ZNF687: variants seen among roughly 807,000 people sequenced by gnomAD.
ZNF687 encodes the protein zinc finger protein 687.
A neutral mutation model predicts 71.8 loss-of-function variants in ZNF687; 13 were observed. The ratio of observed to expected loss-of-function variants is 0.18; its 90% CI spans 0.12 to 0.29. The LOEUF (loss-of-function observed/expected upper bound fraction) is 0.29, where lower values mean the gene tolerates loss of function less well. Among genes scored for constraint, ZNF687 ranks in the 10% least tolerant of loss-of-function variants. The probability of loss-of-function intolerance (pLI) is 1.00; values close to 1 mark genes in which losing one functional copy is unlikely to be tolerated. For synonymous variants in ZNF687, 673 were observed against 641.6 expected (o/e 1.05, Z -0.74); for missense variants, 1,412 against 1,625.6 (o/e 0.87, Z 2.26).
upstream of ZNF687, chr1:151,281,931 GA>G: frequency 1.0e-6 from 1 of 989,650 alleles, no homozygotes; most frequent in Non-Finnish European, 1.3e-6. Context: ...AGTAGGGAGC[GA>G]GGGGCGGAGA....
chr1:151,283,953 C>T lies in ZNF687; in HGVS notation c.-18+1558C>T, dbSNP rs1191183025. 7.1e-6 allele frequency: 7 copies of T among 985,428 alleles called. No homozygotes were observed. In the African/African-American group the frequency reaches 1.0e-4, roughly 15 times the overall value. 61.0% of individuals were successfully genotyped at this position (985,428 alleles called of 1,614,324 possible). A position where few individuals can be genotyped will look rare whatever the true frequency, so the allele number is the denominator to read the frequency against. ...ATAGGGATAGACTCTTTAGTTGCTT[C>T]TTCGTAGATACAGAAACACTCATGG... On this transcript the variant is annotated intron_variant, in intron 1 of 8. Transcript: ENST00000336715.
rs34659630 is a variant in ZNF687, at chr1:151,286,702, T to TC, written c.415dup (p.His139ProfsTer31). On this transcript the variant is annotated frameshift_variant, in exon 2 of 9. Coordinates refer to ENST00000336715, the MANE Select transcript of ZNF687 (RefSeq NM_020832.3). LOFTEE classifies it high-confidence loss of function. ...GCCCTGAACCTTCCCTCCCAGGAAC[T>TC]CCCCACTCTCCTGCTCCTCCCAGTG... 1 of 1,614,084 alleles carries TC rather than the reference T, an allele frequency of 6.2e-7. No individual in the cohort carries two copies. The highest frequency in any genetic ancestry group is 8.5e-7 in the Non-Finnish European group (1 of 1,179,980).
At position 151,291,381 on chromosome 1, in the gene ZNF687, C is replaced by G; in HGVS notation, c.*172C>G. Reference sequence around the variant, plus strand: ...GATTATTCTAGTTATTTGCAACCTCCCTTTGGGTTTGGCCCTGGAGTCCTA... The same window carrying G: ...GATTATTCTAGTTATTTGCAACCTCGCTTTGGGTTTGGCCCTGGAGTCCTA... On this transcript the variant is annotated 3_prime_UTR_variant, in exon 9 of 9. Coordinates refer to ENST00000336715, the MANE Select transcript of ZNF687 (RefSeq NM_020832.3). The G allele has an allele frequency of 2.1e-6, 2 of 948,404 alleles. No individual in the cohort carries two copies. The highest frequency in any genetic ancestry group is 5.4e-5 in the East Asian group (2 of 37,052). The allele number at this position is 948,404 out of a possible 1,614,324, so 58.7% of individuals were successfully genotyped here.
At position 151,287,432 on chromosome 1, in the gene ZNF687, G is replaced by A. The variant is rs1190684701; in HGVS notation, c.1141G>A (p.Glu381Lys). Reference sequence around the variant, plus strand: ...GCTGTCCCCTGCAACACCTACTTCTGAGGGTCCAAAGGTGGTGAGCGTACA... The same window carrying A: ...GCTGTCCCCTGCAACACCTACTTCTAAGGGTCCAAAGGTGGTGAGCGTACA... ...LKLSPATPTS[E>K]GPKVVSVQLG... The change falls in exon 2 of 9, where the codon GAG becomes AAG. Residue 381 changes from glutamate (E) to lysine (K), a missense_variant. Physicochemically the swap from Glu to Lys is moderately conservative, Grantham distance 56. This residue lies in a region of ZNF687 where 490 missense variants were observed against 489.9 expected (regional missense o/e 1.00). Coordinates refer to ENST00000336715, the MANE Select transcript of ZNF687 (RefSeq NM_020832.3). The surrounding 1 kb of genome is among the most constrained non-coding windows in gnomAD (Gnocchi z 5.0). 3.7e-6 allele frequency: 6 copies of A among 1,614,180 alleles called. No homozygotes were observed. Among genetic ancestry groups the A allele is most frequent in the Non-Finnish European group, 5.1e-6 (6 of 1,180,044 alleles).
At chr1:151,289,016 C>T in intron 3 of ZNF687, 79 bp from the exon 4 acceptor site, 2 of 1,479,764 alleles carry the variant, frequency 1.4e-6, no homozygotes, top group Non-Finnish European at 9.3e-7. Flanking sequence ...TACCCAGTCC[C>T]AGAGAATAAA....
At chr1:151,283,738 C>T (rs587678845) in intron 1 of ZNF687, 2 of 846,100 alleles carry the variant, frequency 2.4e-6, no homozygotes, top group African/African-American at 1.8e-5. Flanking sequence ...TTTGTTTAAA[C>T]CCAGATTCTG....
Position 151,287,809 on chromosome 1 carries a change from C to G in ZNF687, c.1518C>G (p.Asn506Lys). The change falls in exon 2 of 9, where the codon AAC (asparagine) becomes AAG (lysine). Residue 506 changes from asparagine (N) to lysine (K), a missense_variant. This residue lies in a region of ZNF687 where 133 missense variants were observed against 155.1 expected (regional missense o/e 0.86). Coordinates refer to ENST00000336715, the MANE Select transcript of ZNF687 (RefSeq NM_020832.3). The surrounding 1 kb of genome is among the most constrained non-coding windows in gnomAD (Gnocchi z 5.0). ...SLVEAFNKILNSKNLLPAYRP... is the reference protein window; with the variant it reads ...SLVEAFNKILKSKNLLPAYRP... Reference sequence around the variant, plus strand: ...TGGAGGCCTTCAACAAGATCCTCAACAGCAAGAACCTGCTCCCTGCCTATA... The same window carrying G: ...TGGAGGCCTTCAACAAGATCCTCAAGAGCAAGAACCTGCTCCCTGCCTATA... 6.2e-7 allele frequency: 1 copy of G among 1,614,090 alleles called. No homozygotes were observed. Among genetic ancestry groups the G allele is most frequent in the Non-Finnish European group, 8.5e-7 (1 of 1,180,022 alleles).
Position 151,287,033 on chromosome 1 carries a change from A to T in ZNF687, c.742A>T (p.Ile248Phe). Residue 248 changes from isoleucine to phenylalanine, a missense_variant, in exon 2 of 9, where the codon ATC (isoleucine) becomes TTC (phenylalanine). Transcript: ENST00000336715. This position sits in a 1 kb window ranked among gnomAD's most constrained non-coding sequence, Gnocchi z 5.0. Reference protein sequence around the residue: ...GSGSSPKATDIPASASPPPVA... With the variant: ...GSGSSPKATDFPASASPPPVA... Reference sequence around the variant, plus strand: ...AGGCTCCAGCCCTAAGGCCACGGACATCCCTGCCAGTGCCTCGCCTCCCCC... The same window carrying T: ...AGGCTCCAGCCCTAAGGCCACGGACTTCCCTGCCAGTGCCTCGCCTCCCCC... 6.2e-7 allele frequency: 1 copy of T among 1,607,860 alleles called. No homozygotes were observed. Among genetic ancestry groups the T allele is most frequent in the South Asian group, 1.1e-5 (1 of 90,598 alleles).
intron 1 of ZNF687, 102 bp downstream of exon 1, chr1:151,282,497 C>G: frequency 2.3e-6 from 2 of 864,482 alleles, no homozygotes; most frequent in Non-Finnish European, 2.8e-6. Context: ...ACCCCCTTCT[C>G]CGCGCCGCCC....
Position 151,288,525 on chromosome 1 carries a change from C to T in ZNF687, c.2116-3C>T, listed in dbSNP as rs1276612653. 1.3e-6 allele frequency: 2 copies of T among 1,599,268 alleles called. No homozygotes were observed. The highest frequency in any genetic ancestry group is 1.7e-6 in the Non-Finnish European group (2 of 1,170,560). On this transcript the variant is annotated splice_region_variant and splice_polypyrimidine_tract_variant and intron_variant, in intron 2 of 8. Transcript: ENST00000336715. Reference sequence around the variant, plus strand: ...GACTTTCCTTGTTTAACCCACTCGACAGGTGTGCCCAACCTGCCCCATGAT... The same window carrying T: ...GACTTTCCTTGTTTAACCCACTCGATAGGTGTGCCCAACCTGCCCCATGAT...
In ZNF687 at chr1:151,290,204, A is replaced by G; in HGVS notation, c.3047A>G (p.His1016Arg). Residue 1016 changes from histidine to arginine, a missense_variant, in exon 7 of 9, where the codon CAC (histidine) becomes CGC (arginine). His to Arg is a conservative substitution (Grantham distance 29). This residue lies in a region of ZNF687 where 284 missense variants were observed against 359.2 expected (regional missense o/e 0.79). Coordinates refer to ENST00000336715, the MANE Select transcript of ZNF687 (RefSeq NM_020832.3). ...PSLRRHVRVN[H>R]EGIKRVYPCR... ...CTGAGGCGCCATGTCAGAGTTAATC[A>G]CGAGGGCATCAAGCGAGTTTACCCC... 1 of 1,613,998 alleles carries G rather than the reference A, an allele frequency of 6.2e-7. No homozygotes were observed. Among genetic ancestry groups the G allele is most frequent in the Non-Finnish European group, 8.5e-7 (1 of 1,180,028 alleles).
In ZNF687 at chr1:151,286,708, C is replaced by T; in HGVS notation, c.417C>T (p.His139=). ...SPEPSLPGTP[H]SPAPPSGGTW... ...AACCTTCCCTCCCAGGAACTCCCCA[C>T]TCTCCTGCTCCTCCCAGTGGGGGCA... Residue 139 remains histidine (H), a synonymous_variant, in exon 2 of 9, where the codon CAC becomes CAT. Transcript: ENST00000336715. 6.2e-7 allele frequency: 1 copy of T among 1,614,214 alleles called. No homozygotes were observed. The highest frequency in any genetic ancestry group is 8.5e-7 in the Non-Finnish European group (1 of 1,180,030).
At position 151,290,801 on chromosome 1, in the gene ZNF687, C is replaced by T. The variant is rs373263821; in HGVS notation, c.3306C>T (p.Gly1102=). The T allele has an allele frequency of 1.9e-5, 30 of 1,613,852 alleles. No individual in the cohort carries two copies. Among genetic ancestry groups the T allele is most frequent in the Middle Eastern group, 1.7e-4 (1 of 6,054 alleles). ...STTPPAKSPR[G]GPGSGGHGPL... ...CACCGCCAGCCAAGTCCCCCAGGGGCGGACCTGGATCTGGAGGCCATGGCC... is the reference window on the plus strand; with the variant it reads ...CACCGCCAGCCAAGTCCCCCAGGGGTGGACCTGGATCTGGAGGCCATGGCC... The change falls in exon 9 of 9, where the codon GGC becomes GGT. Residue 1102 remains glycine (G), a synonymous_variant. Coordinates refer to ENST00000336715, the MANE Select transcript of ZNF687 (RefSeq NM_020832.3).
At position 151,287,602 on chromosome 1, in the gene ZNF687, T is replaced by C; in HGVS notation, c.1311T>C (p.Ile437=). 2 of 1,613,672 alleles carry C rather than the reference T, an allele frequency of 1.2e-6. No homozygotes were observed. The highest frequency in any genetic ancestry group is 1.7e-6 in the Non-Finnish European group (2 of 1,179,850). ...PGGTATSPKM[I]AKNVLGLVPQ... ...GGACTGCCACCAGCCCTAAGATGAT[T>C]GCTAAGAACGTGCTAGGCCTGGTGC... The change falls in exon 2 of 9, where the codon ATT becomes ATC. Residue 437 remains isoleucine, a synonymous_variant. Transcript: ENST00000336715. The surrounding 1 kb of genome is among the most constrained non-coding windows in gnomAD (Gnocchi z 5.0).
At position 151,287,780 on chromosome 1, in the gene ZNF687, C is replaced by G; in HGVS notation, c.1489C>G (p.Leu497Val). The G allele has an allele frequency of 6.2e-7, 1 of 1,614,132 alleles. No individual in the cohort carries two copies. The highest frequency in any genetic ancestry group is 8.5e-7 in the Non-Finnish European group (1 of 1,180,036). ...AGTGATATCACGGACCCAGTCCAGC[C>G]TGGTGGAGGCCTTCAACAAGATCCT... ...GTVISRTQSS[L>V]VEAFNKILNS... The change falls in exon 2 of 9, where the codon CTG becomes GTG. Residue 497 changes from leucine (L) to valine (V), a missense_variant. By Grantham distance (32) the Leu-to-Val change is conservative. This residue lies in a region of ZNF687 where 133 missense variants were observed against 155.1 expected (regional missense o/e 0.86). Coordinates refer to ENST00000336715, the MANE Select transcript of ZNF687 (RefSeq NM_020832.3). This position sits in a 1 kb window ranked among gnomAD's most constrained non-coding sequence, Gnocchi z 5.0.
intron 1 of ZNF687, 153 bp from the exon 2 acceptor site, chr1:151,286,122 A>G (rs1463432945): frequency 7.3e-6 from 4 of 548,654 alleles, no homozygotes; most frequent in Non-Finnish European, 1.2e-5. Flanking sequence ...CAAACCTAGC[A>G]GCTCTGTAGG....
rs1441582833 is a variant in ZNF687 at position 151,289,246 on chromosome 1, C to T, written c.2446C>T (p.Pro816Ser). The change falls in exon 4 of 9, where the codon CCC becomes TCC. Residue 816 changes from proline (P) to serine (S), a missense_variant. Physicochemically the swap from Pro to Ser is moderately conservative, Grantham distance 74. Around this residue, in one of 8 missense-constraint regions of ZNF687, gnomAD observed 106 missense variants for 146.0 expected, o/e 0.73. Transcript: ENST00000336715. The part of the protein sequence containing the change: ...SAHAHLYSQH[P>S]SFQTQQAKLI... ...CCATGCCCACCTCTACTCCCAGCAT[C>T]CCAGCTTCCAAACTCAGCAGGCCAA... 1 of 1,613,938 alleles carries T rather than the reference C, an allele frequency of 6.2e-7. No individual in the cohort carries two copies. The highest frequency in any genetic ancestry group is 1.3e-5 in the African/African-American group (1 of 74,958).
intron 1 of ZNF687, chr1:151,283,387 G>C (rs1693809050): frequency 1.2e-6 from 1 of 864,278 alleles, no homozygotes; most frequent in Admixed American, 6.2e-5. Flanking sequence ...GGCTTTTGGG[G>C]AACCACAGAG....
upstream of ZNF687, chr1:151,281,947 C>T: frequency 8.9e-7 from 1 of 1,128,488 alleles, no homozygotes; most frequent in South Asian, 1.5e-5. Context: ...CGGAGACGCA[C>T]CTGGGTGCTC....
Sources: allele counts gnomAD v4.1 joint callset, GRCh38; gene constraint gnomAD v4.1.1; regional missense constraint gnomAD v4.1.1; non-coding constraint Gnocchi (gnomAD v3.1); transcripts MANE v1.5; gene names NCBI Gene and HGNC (gene_info 2026-07-23, HGNC 2026-07-21).